PCBD2: variants seen among roughly 807,000 people sequenced by gnomAD.
PCBD2 encodes pterin-4 alpha-carbinolamine dehydratase 2, also known as pterin-4-alpha-carbinolamine dehydratase 2.
A neutral mutation model predicts 16.4 loss-of-function variants in PCBD2; 12 were observed. That is an observed-to-expected ratio of 0.73 (90% confidence interval 0.47 to 1.19). The LOEUF (loss-of-function observed/expected upper bound fraction) is 1.19. Among genes scored for constraint, PCBD2 ranks in the 50% most tolerant of loss-of-function variants. PCBD2 has a pLI of 0.00. For synonymous variants in PCBD2, 58 were observed against 61.8 expected (o/e 0.94, Z 0.29); for missense variants, 138 against 156.8 (o/e 0.88, Z 0.64).
chr5:134,933,826 T>C (rs551480359), intron 2 of PCBD2, among the ~76,000 whole-genome samples: 8 of 152,264 alleles, frequency 5.3e-5, no homozygotes, highest in African/African-American at 1.9e-4. Flanking sequence ...CTAGATAGAA[T>C]TGATCCATTG....
At chr5:134,916,287 C>CA (rs372513274) in intron 2 of PCBD2, among the ~76,000 whole-genome samples, 18 of 148,914 alleles carry the variant, frequency 1.2e-4, no homozygotes, top group African/African-American at 3.2e-4. Context: ...GAGACTATCT[C>CA]AAAAAAAAAA....
chr5:134,940,422 G>A (rs1751211749), intron 2 of PCBD2, among the ~76,000 whole-genome samples: 1 of 151,592 alleles, frequency 6.6e-6, no homozygotes, highest in Non-Finnish European at 1.5e-5. Context: ...TAGTCATGGT[G>A]CAGCATATAT....
intron 2 of PCBD2, among the ~76,000 whole-genome samples, chr5:134,947,294 T>C (rs541758566): frequency 6.6e-6 from 1 of 152,062 alleles, no homozygotes; most frequent in South Asian, 2.1e-4. Flanking sequence ...GTTTACTCCA[T>C]GTTGGTCAGG....
Position 134,961,511 on chromosome 5 carries a change from A to G in PCBD2, c.*830A>G, listed in dbSNP as rs994129419. Among the ~76,000 whole-genome samples, 7 of 151,132 alleles carry G rather than the reference A, an allele frequency of 4.6e-5. No homozygotes were observed. Among genetic ancestry groups the G allele is most frequent in the Admixed American group, 2.6e-4 (4 of 15,190 alleles). ...ATGTTGGCCAGGATGGTCTCGATCT[A>G]CTGACCTCGTGATCCACCTGCCTCC... On this transcript the variant is annotated 3_prime_UTR_variant, in exon 4 of 4. Transcript: ENST00000254908.
chr5:134,906,849 G>C (rs1342159517), intron 1 of PCBD2, among the ~76,000 whole-genome samples: 1 of 152,206 alleles, frequency 6.6e-6, no homozygotes, highest in Non-Finnish European at 1.5e-5. Context: ...TTAGGCCTTA[G>C]ATCTAGTTTA....
At chr5:134,921,563 C>G (rs1289399862) in intron 2 of PCBD2, among the ~76,000 whole-genome samples, 1 of 152,052 alleles carries the variant, frequency 6.6e-6, no homozygotes, top group African/African-American at 2.4e-5. Context: ...AGGGGGGTTC[C>G]TGTGGCGTAC....
At chr5:134,938,137 G>A (rs1281196612) in intron 2 of PCBD2, among the ~76,000 whole-genome samples, 1 of 152,210 alleles carries the variant, frequency 6.6e-6, no homozygotes, top group Non-Finnish European at 1.5e-5. Flanking sequence ...AAACGTTTTA[G>A]CCTTGTGAGT....
intron 2 of PCBD2, chr5:134,927,917 T>C: frequency 2.5e-6 from 1 of 396,572 alleles, no homozygotes; most frequent in Non-Finnish European, 4.4e-6. Context: ...GGTTGAAAAA[T>C]AGTAGGGGGA....
chr5:134,931,261 T>C (rs1751092031), intron 2 of PCBD2, among the ~76,000 whole-genome samples: 1 of 152,176 alleles, frequency 6.6e-6, no homozygotes, highest in Admixed American at 6.6e-5. Context: ...AGCTAAAATA[T>C]ATTGGCAGTA....
At chr5:134,955,320 T>C (rs2149540686) in intron 2 of PCBD2, among the ~76,000 whole-genome samples, 1 of 150,430 alleles carries the variant, frequency 6.6e-6, no homozygotes, top group African/African-American at 2.4e-5. Context: ...TTTTTTTTTT[T>C]TTTTTTGAGA....
chr5:134,911,359 G>A (rs1750766440), intron 2 of PCBD2, among the ~76,000 whole-genome samples: 1 of 152,090 alleles, frequency 6.6e-6, no homozygotes, highest in South Asian at 2.1e-4. Flanking sequence ...GTTCCATTAG[G>A]GACCCACCCT....
chr5:134,959,229 A>C (rs1321577744), intron 3 of PCBD2, 109 bp downstream of exon 3: 1 of 784,304 alleles, frequency 1.3e-6, no homozygotes, highest in Non-Finnish European at 2.0e-6. Flanking sequence ...AGAAAGTCTT[A>C]TCCTTTCTCT....
In PCBD2 at chr5:134,924,636, C is replaced by T. The variant is rs541583882; in HGVS notation, c.216+14170C>T. The stretch of plus-strand genomic sequence containing the variant: ...TGTGTATATTGTACTAGAGATTGCT[C>T]GGGGGAATAGATTATGTGATTAGGA... On this transcript the variant is annotated intron_variant, in intron 2 of 3. Coordinates refer to ENST00000254908, the MANE Select transcript of PCBD2 (RefSeq NM_032151.5). The T allele has an allele frequency of 7.1e-5, 28 of 396,976 alleles. No individual in the cohort carries two copies. The South Asian group carries it at 2.3e-3, about 33-fold the overall frequency. 24.6% of individuals were successfully genotyped at this position (396,976 alleles called of 1,614,324 possible).
At chr5:134,927,486 T>C (rs1751025384) in intron 2 of PCBD2, 1 of 398,196 alleles carries the variant, frequency 2.5e-6, no homozygotes, top group Admixed American at 4.4e-5. Flanking sequence ...TGATAGTTCT[T>C]GGGCAGTAAG....
intron 2 of PCBD2, among the ~76,000 whole-genome samples, chr5:134,944,030 AC>A (rs1751263366): frequency 6.6e-6 from 1 of 152,140 alleles, no homozygotes; most frequent in African/African-American, 2.4e-5. Context: ...ATTTGAAACC[AC>A]CCTTAAAAAA....
At chr5:134,942,733 G>C (rs993826219) in intron 2 of PCBD2, among the ~76,000 whole-genome samples, 1 of 151,974 alleles carries the variant, frequency 6.6e-6, no homozygotes, top group South Asian at 2.1e-4. Context: ...ACATTACTGT[G>C]TATGTGAGGG....
intron 2 of PCBD2, among the ~76,000 whole-genome samples, chr5:134,941,575 A>G (rs1751228113): frequency 6.6e-6 from 1 of 152,338 alleles, no homozygotes; most frequent in African/African-American, 2.4e-5. Context: ...AAACCATAAA[A>G]TGGTTTCTAA....
intron 3 of PCBD2, among the ~76,000 whole-genome samples, chr5:134,959,510 GA>G (rs1751451814): frequency 6.6e-6 from 1 of 152,086 alleles, no homozygotes; most frequent in South Asian, 2.1e-4. Context: ...ACTGTGCTTT[GA>G]AAACTATTAA....
intron 1 of PCBD2, among the ~76,000 whole-genome samples, chr5:134,907,487 C>T (rs1187062010): frequency 6.6e-6 from 1 of 152,008 alleles, no homozygotes; most frequent in African/African-American, 2.4e-5. Context: ...GTGATCTGCT[C>T]GCCTCGGCCT....
Sources: gnomAD v4.1 joint callset for allele counts (sites outside exome capture counted in the v4.1 genomes callset) on GRCh38, gnomAD v4.1.1 for gene constraint, MANE v1.5 for transcripts, NCBI Gene and HGNC (gene_info 2026-07-23, HGNC 2026-07-21) for gene names.